STIM2: variants seen among roughly 807,000 people sequenced by gnomAD.
STIM2 encodes the protein stromal interaction molecule 2.
STIM2 carries 31 observed loss-of-function variants against 85.8 expected under a neutral mutation model. The observed-to-expected ratio is 0.36, with a 90% CI of 0.27 to 0.49. STIM2 has a LOEUF of 0.49. STIM2 is among the 20% of genes least tolerant of loss of function. STIM2 has a pLI of 0.98. For missense variants in STIM2, 841 were observed against 927.6 expected (o/e 0.91, Z 1.21); for synonymous variants, 356 against 331.1 (o/e 1.08, Z -0.82).
At position 27,002,240 on chromosome 4, in the gene STIM2, G is replaced by T. The variant is rs1728180629; in HGVS notation, c.649G>T (p.Asp217Tyr). 1.2e-6 allele frequency: 2 copies of T among 1,609,926 alleles called. No homozygotes were observed. The highest frequency in any genetic ancestry group is 1.1e-5 in the South Asian group (1 of 90,016). Reference sequence around the variant, plus strand: ...AGGCCCACCTCATAACTGGATGAAAGATTTTATCCTCACAGTTTCTATAGT... The same window carrying T: ...AGGCCCACCTCATAACTGGATGAAATATTTTATCCTCACAGTTTCTATAGT... Residue 217 changes from aspartate to tyrosine, a missense_variant, in exon 6 of 12, where the codon GAT becomes TAT. By Grantham distance (160) the Asp-to-Tyr change is radical (BLOSUM62 -3). Around this residue, in one of 3 missense-constraint regions of STIM2, gnomAD observed 408 missense variants for 525.4 expected, o/e 0.78. Transcript: ENST00000467087.
chr4:26,886,065 C>T (rs547250667), intron 1 of STIM2, among the ~76,000 whole-genome samples: 1 of 151,754 alleles, frequency 6.6e-6, no homozygotes, highest in Non-Finnish European at 1.5e-5. Flanking sequence ...GCTATGTGAG[C>T]TCATAATTTG....
intron 1 of STIM2, among the ~76,000 whole-genome samples, chr4:26,864,663 A>G (rs751131366): frequency 1.4e-4 from 21 of 152,242 alleles, no homozygotes; most frequent in Non-Finnish European, 2.1e-4. Context: ...CTGTAATACC[A>G]TTTCACTGAT....
intron 3 of STIM2, among the ~76,000 whole-genome samples, chr4:26,964,744 C>T (rs528532041): frequency 1.8e-4 from 28 of 152,120 alleles, no homozygotes; most frequent in Non-Finnish European, 2.9e-4. Context: ...GTTCTCTGTC[C>T]TCCACCCATC....
At chr4:26,868,326 A>G (rs1435840994) in intron 1 of STIM2, among the ~76,000 whole-genome samples, 1 of 151,808 alleles carries the variant, frequency 6.6e-6, no homozygotes, top group African/African-American at 2.4e-5. Context: ...ATGGATCTTG[A>G]CCTCTGTGTA....
intron 3 of STIM2, among the ~76,000 whole-genome samples, chr4:26,994,763 A>T (rs1378071496): frequency 6.6e-6 from 1 of 151,856 alleles, no homozygotes; most frequent in African/African-American, 2.4e-5. Flanking sequence ...TCTCTTTGGG[A>T]TATTTTTCAC....
chr4:26,878,563 C>T (rs1245247724), intron 1 of STIM2, among the ~76,000 whole-genome samples: 3 of 152,150 alleles, frequency 2.0e-5, no homozygotes, highest in African/African-American at 7.2e-5. Context: ...CAGACTCTGA[C>T]TAATCCTGAT....
intron 3 of STIM2, among the ~76,000 whole-genome samples, chr4:26,976,351 G>A (rs1002471900): frequency 8.6e-5 from 13 of 151,438 alleles, no homozygotes; most frequent in South Asian, 4.2e-4. Flanking sequence ...GCTGCAGATC[G>A]GAGCTGTTCC....
chr4:26,982,063 C>G (rs1727418041), intron 3 of STIM2, among the ~76,000 whole-genome samples: 1 of 151,534 alleles, frequency 6.6e-6, no homozygotes, highest in African/African-American at 2.4e-5. Flanking sequence ...TTTTTTTTGC[C>G]TGACTTAATT....
intron 2 of STIM2, among the ~76,000 whole-genome samples, chr4:26,942,749 G>C (rs1184262636): frequency 1.3e-5 from 2 of 152,066 alleles, no homozygotes; most frequent in African/African-American, 4.8e-5. Context: ...CTGCTTTTCA[G>C]TTTTTTTGCT....
chr4:26,907,152 G>A (rs940198515), intron 1 of STIM2, among the ~76,000 whole-genome samples: 2 of 152,026 alleles, frequency 1.3e-5, no homozygotes, highest in African/African-American at 4.8e-5. Context: ...ATATTTTGAT[G>A]TATTAATTAA....
intron 6 of STIM2, 62 bp from the exon 7 acceptor site, chr4:27,002,865 T>C (rs971882703): frequency 1.4e-5 from 19 of 1,344,288 alleles, no homozygotes; most frequent in African/African-American, 1.7e-5. Flanking sequence ...ATTCATTATT[T>C]TGTAAAAAAA....
intron 2 of STIM2, among the ~76,000 whole-genome samples, chr4:26,943,793 T>C (rs1311553309): frequency 6.6e-6 from 1 of 152,198 alleles, no homozygotes; most frequent in African/African-American, 2.4e-5. Flanking sequence ...GATTTAGTAC[T>C]ACAGGGTTTT....
chr4:26,874,986 T>C (rs1722765772), intron 1 of STIM2, among the ~76,000 whole-genome samples: 1 of 152,248 alleles, frequency 6.6e-6, no homozygotes, highest in Non-Finnish European at 1.5e-5. Context: ...CTTCTTCGTA[T>C]TATGATTGCT....
At chr4:26,982,634 C>T (rs1338033300) in intron 3 of STIM2, among the ~76,000 whole-genome samples, 4 of 152,168 alleles carry the variant, frequency 2.6e-5, no homozygotes, top group Non-Finnish European at 5.9e-5. Context: ...ACAGCCATTT[C>T]TCCAAGGAAC....
intron 2 of STIM2, among the ~76,000 whole-genome samples, chr4:26,934,404 A>G (rs1380059491): frequency 4.6e-5 from 7 of 152,208 alleles, no homozygotes; most frequent in Admixed American, 4.6e-4. Flanking sequence ...TTCCATTTTC[A>G]TAAGAACAGA....
At chr4:26,962,111 AGTAT>A (rs990270153) in intron 3 of STIM2, among the ~76,000 whole-genome samples, 19 of 152,286 alleles carry the variant, frequency 1.2e-4, no homozygotes, top group African/African-American at 3.6e-4. Flanking sequence ...TGCTATAGAA[AGTAT>A]GTAGGCTTTC....
chr4:26,987,103 T>TGAC (rs1333097780), intron 3 of STIM2, among the ~76,000 whole-genome samples: 2 of 152,348 alleles, frequency 1.3e-5, no homozygotes, highest in East Asian at 3.9e-4. Flanking sequence ...TACCTATGCA[T>TGAC]GACTCGTGTC....
intron 1 of STIM2, 56 bp from the exon 2 acceptor site, chr4:26,919,448 A>AC: frequency 1.2e-6 from 2 of 1,606,160 alleles, no homozygotes; most frequent in Non-Finnish European, 1.7e-6. Context: ...ATACTCTCTA[A>AC]CTATAGCCTT....
chr4:26,957,750 C>A, intron 3 of STIM2, 24 bp downstream of exon 3: 1 of 1,456,422 alleles, frequency 6.9e-7, no homozygotes, highest in East Asian at 2.3e-5. Flanking sequence ...TGTGATCTGG[C>A]CCCCTCCCCT....
Sources: allele counts gnomAD v4.1 joint callset (sites outside exome capture counted in the v4.1 genomes callset), GRCh38; gene constraint gnomAD v4.1.1; regional missense constraint gnomAD v4.1.1; transcripts MANE v1.5; gene names NCBI Gene and HGNC (gene_info 2026-07-23, HGNC 2026-07-21).